Variants in CCDC158 observed in about 807,000 individuals in gnomAD.
CCDC158 encodes coiled-coil domain-containing protein 158.
CCDC158 carries 116 observed loss-of-function variants against 138.6 expected under a neutral mutation model. That is an observed-to-expected ratio of 0.84 (90% CI 0.72 to 0.98). The LOEUF (loss-of-function observed/expected upper bound fraction) is 0.98. Among genes scored for constraint, CCDC158 ranks in the 50% least tolerant of loss-of-function variants. The pLI, the probability that CCDC158 is intolerant of heterozygous loss-of-function variation, is 0.00. For missense variants in CCDC158, 1,265 were observed against 1,306.1 expected (o/e 0.97, Z 0.48); for synonymous variants, 436 against 442.4 (o/e 0.99, Z 0.18).
chr4:76,384,662 T>C lies in CCDC158; in HGVS notation c.292A>G (p.Asn98Asp). Reference protein sequence around the residue: ...KDLQRRLNESNELHEKQKFYL... With the variant: ...KDLQRRLNESDELHEKQKFYL... ...AACTTTTGTTTCTCATGCAATTCAT[T>C]GCTCTGAAAAAAAAAGCCATGCAAA... is the stretch of plus-strand genomic sequence containing the variant. Residue 98 changes from asparagine to aspartate, a missense_variant, in exon 5 of 25, where the codon AAT becomes GAT. Transcript: ENST00000682701. 1 of 1,605,482 alleles carries C rather than the reference T, an allele frequency of 6.2e-7. No individual in the cohort carries two copies. The highest frequency in any genetic ancestry group is 1.3e-5 in the African/African-American group (1 of 74,572).
chr4:76,392,199 T>C (rs1251229686), intron 4 of CCDC158, among the ~76,000 whole-genome samples: 1 of 151,990 alleles, frequency 6.6e-6, no homozygotes. Flanking sequence ...GTATCTCTGA[T>C]GAATACTGAT....
chr4:76,405,775 A>G (rs1220614165), intron 2 of CCDC158, among the ~76,000 whole-genome samples: 3 of 152,192 alleles, frequency 2.0e-5, no homozygotes, highest in Admixed American at 6.5e-5. Context: ...TAAAAGGTCA[A>G]GTAAGAAAAA....
In CCDC158 at chr4:76,345,904, T is replaced by A. The variant is rs190427781; in HGVS notation, c.2664+5092A>T. ...AGAAAAAACTACTTTAAATTTCATA[T>A]GGAACCAAAAAAGAGCCCATATGGT... On this transcript the variant is annotated intron_variant, in intron 18 of 24. Transcript: ENST00000682701. 2.8e-3 allele frequency among the ~76,000 whole-genome samples: 419 copies of A among 152,178 alleles called. 2 individuals carry two copies. Among genetic ancestry groups the A allele is most frequent in the African/African-American group, 9.2e-3 (380 of 41,510 alleles).
intron 24 of CCDC158, among the ~76,000 whole-genome samples, chr4:76,321,411 C>T (rs1404219556): frequency 2.6e-5 from 4 of 151,906 alleles, no homozygotes; most frequent in Non-Finnish European, 5.9e-5. Context: ...AATCCCACTA[C>T]TGGAGGAAAA....
chr4:76,331,022 A>AC (rs1720959040), intron 21 of CCDC158, among the ~76,000 whole-genome samples: 1 of 152,206 alleles, frequency 6.6e-6, no homozygotes. Context: ...AGATACAGCA[A>AC]TGAATTAGCC....
chr4:76,365,991 G>C lies in CCDC158; in HGVS notation c.1830+1303C>G, dbSNP rs145170302. 1.6e-3 allele frequency among the ~76,000 whole-genome samples: 238 copies of C among 152,266 alleles called. 2 individuals carry two copies. Among genetic ancestry groups the C allele is most frequent in the African/African-American group, 5.4e-3 (225 of 41,538 alleles). ...TCTCAGTTTCCTCAGCTGTAAAATG[G>C]GATAATAATAGTGCCTCCCTCATAA... On this transcript the variant is annotated intron_variant, in intron 12 of 24. Coordinates refer to ENST00000682701, the MANE Select transcript of CCDC158 (RefSeq NM_001394954.1).
intron 8 of CCDC158, among the ~76,000 whole-genome samples, chr4:76,380,923 G>A (rs1391209008): frequency 2.0e-5 from 3 of 152,214 alleles, no homozygotes; most frequent in East Asian, 1.9e-4. Flanking sequence ...GGTACAGCTC[G>A]GGCTGTTGCT....
chr4:76,317,001 A>G (rs2110060550), intron 24 of CCDC158, among the ~76,000 whole-genome samples: 1 of 151,494 alleles, frequency 6.6e-6, no homozygotes, highest in East Asian at 1.9e-4. Context: ...TAAAACCTCA[A>G]AACACACCAA....
chr4:76,343,930 T>A (rs1435546328), intron 18 of CCDC158, among the ~76,000 whole-genome samples: 1 of 152,184 alleles, frequency 6.6e-6, no homozygotes, highest in Non-Finnish European at 1.5e-5. Flanking sequence ...AGCATTCCCT[T>A]TGAAAACTGG....
intron 23 of CCDC158, among the ~76,000 whole-genome samples, chr4:76,324,549 G>A (rs1402979748): frequency 6.6e-6 from 1 of 152,070 alleles, no homozygotes; most frequent in Non-Finnish European, 1.5e-5. Context: ...ATAAGCGGGG[G>A]GTTGGGGGTG....
intron 24 of CCDC158, among the ~76,000 whole-genome samples, chr4:76,318,626 T>A (rs976064003): frequency 1.3e-5 from 2 of 152,134 alleles, no homozygotes; most frequent in Non-Finnish European, 2.9e-5. Flanking sequence ...GTTTCAAACA[T>A]AAAGAAATAG....
At chr4:76,356,574 G>A (rs996233375) in intron 14 of CCDC158, 7 of 152,132 alleles carry the variant, frequency 4.6e-5, no homozygotes, top group Admixed American at 3.9e-4. Flanking sequence ...AACCCAACAA[G>A]TTTATCTGTG....
intron 24 of CCDC158, among the ~76,000 whole-genome samples, chr4:76,315,882 G>A (rs1411397996): frequency 6.6e-6 from 1 of 152,192 alleles, no homozygotes; most frequent in Non-Finnish European, 1.5e-5. Context: ...GATCATTGCA[G>A]TCCAGCTCTC....
chr4:76,330,723 C>A (rs1407571103), intron 21 of CCDC158, among the ~76,000 whole-genome samples: 4 of 152,022 alleles, frequency 2.6e-5, no homozygotes, highest in Non-Finnish European at 5.9e-5. Context: ...TATAAGTAAT[C>A]TAAGAATGGT....
At chr4:76,380,096 G>A (rs554126703) in intron 8 of CCDC158, among the ~76,000 whole-genome samples, 4 of 152,306 alleles carry the variant, frequency 2.6e-5, no homozygotes, top group African/African-American at 7.2e-5. Context: ...GTCTTGGATA[G>A]TTCTTTATAG....
At chr4:76,413,113 T>C (rs903726105) in intron 1 of CCDC158, among the ~76,000 whole-genome samples, 1 of 151,892 alleles carries the variant, frequency 6.6e-6, no homozygotes, top group African/African-American at 2.4e-5. Flanking sequence ...GGTCTATCTA[T>C]ATATTGTAAG....
At chr4:76,373,013 T>C (rs539621996) in intron 9 of CCDC158, among the ~76,000 whole-genome samples, 7 of 152,158 alleles carry the variant, frequency 4.6e-5, no homozygotes, top group Non-Finnish European at 1.0e-4. Flanking sequence ...CATGGCCAGC[T>C]AATTTTTGTA....
At chr4:76,408,780 T>C (rs951162767) in intron 2 of CCDC158, among the ~76,000 whole-genome samples, 1 of 152,252 alleles carries the variant, frequency 6.6e-6, no homozygotes, top group African/African-American at 2.4e-5. Flanking sequence ...CCACAATGGC[T>C]GAACTAGTTT....
At chr4:76,341,481 A>C (rs1041822886) in intron 18 of CCDC158, among the ~76,000 whole-genome samples, 4 of 152,210 alleles carry the variant, frequency 2.6e-5, no homozygotes, top group African/African-American at 9.6e-5. Context: ...AAAAGTTACG[A>C]AGCATTGCTA....
Sources: allele counts gnomAD v4.1 joint callset (sites outside exome capture counted in the v4.1 genomes callset), GRCh38; gene constraint gnomAD v4.1.1; transcripts MANE v1.5; gene names NCBI Gene and HGNC (gene_info 2026-07-23, HGNC 2026-07-21).